The following VWF variants were observed in gnomAD, a reference collection of about 807,000 sequenced individuals.
VWF encodes the protein Factor VIII related antigen.
In VWF, 176 loss-of-function variants were observed where a neutral mutation model predicts 308.6. The observed-to-expected ratio is 0.57, with a 90% confidence interval of 0.50 to 0.65. VWF has a LOEUF of 0.65. VWF is among the 30% of genes least tolerant of loss of function. The pLI is 0.00. For missense variants in VWF, 3,146 were observed against 3,648.2 expected, an observed-to-expected ratio of 0.86 and a Z score of 3.55; for synonymous variants, 1,385 against 1,443.4, an observed-to-expected ratio of 0.96 and a Z score of 0.92.
rs749872924 is a variant in VWF at position 6,025,603 on chromosome 12, C to T, written c.3199G>A (p.Val1067Ile). 23 of 1,481,684 alleles carry T rather than the reference C, an allele frequency of 1.6e-5. No individual in the cohort carries two copies. Among genetic ancestry groups the T allele is most frequent in the African/African-American group, 1.3e-4 (9 of 71,096 alleles). 91.8% of individuals were successfully genotyped at this position (1,481,684 alleles called of 1,614,324 possible). Reference sequence around the variant, plus strand: ...ACCAGCTTGTTGCAGTCCTGGAAGACGTCACTGGTAAGGATTCTACAGGAG... The same window carrying T: ...ACCAGCTTGTTGCAGTCCTGGAAGATGTCACTGGTAAGGATTCTACAGGAG... ...DSSCRILTSD[V>I]FQDCNKLVDP... The change falls in exon 24 of 52, where the codon GTC (valine) becomes ATC (isoleucine). Residue 1067 changes from valine to isoleucine, a missense_variant. Physicochemically the swap from Val to Ile is conservative, Grantham distance 29. This residue lies in a region of VWF where 853 missense variants were observed against 1,177.8 expected (regional missense o/e 0.72). Coordinates refer to ENST00000261405, the MANE Select transcript of VWF (RefSeq NM_000552.5).
In VWF at chr12:6,057,083, AGAGGAGC is replaced by A. The variant is rs756282321; in HGVS notation, c.1730-18_1730-12del. On this transcript the variant is annotated splice_polypyrimidine_tract_variant and intron_variant, in intron 14 of 51. Transcript: ENST00000261405. ...CCTCGGAGAACCTGGCTGTGGGGCG[AGAGGAGC>A]GAGCCTGGGATGTGGTGGGGAGGAG... The A allele has an allele frequency of 1.5e-4, 229 of 1,531,152 alleles. No homozygotes were observed. Among genetic ancestry groups the A allele is most frequent in the Admixed American group, 2.0e-4 (10 of 50,592 alleles). 94.8% of individuals were successfully genotyped at this position (1,531,152 alleles called of 1,614,324 possible).
chr12:6,018,342 C>T (rs1384794000), intron 28 of VWF, 23 bp downstream of exon 28: 1 of 1,603,638 alleles, frequency 6.2e-7, no homozygotes, highest in Admixed American at 1.7e-5. Context: ...GCCCTCCCAC[C>T]TGCACACAAG....
At position 5,956,894 on chromosome 12, in the gene VWF, T is replaced by C. The variant is rs548255674; in HGVS notation, c.7888-3300A>G. Reference sequence around the variant, plus strand: ...TGTAGTAAATTTAGGGTAGCCTAAGTGTACAATGTTTATAGACTATAGCAA... The same window carrying C: ...TGTAGTAAATTTAGGGTAGCCTAAGCGTACAATGTTTATAGACTATAGCAA... On this transcript the variant is annotated intron_variant, in intron 47 of 51. Coordinates refer to ENST00000261405, the MANE Select transcript of VWF (RefSeq NM_000552.5). 3.3e-4 allele frequency among the ~76,000 whole-genome samples: 51 copies of C among 152,344 alleles called. 1 individual carries two copies. In the Middle Eastern group the frequency reaches 0.01, roughly 30 times the overall value.
At position 5,977,167 on chromosome 12, in the gene VWF, G is replaced by C. The variant is rs561037472; in HGVS notation, c.7288-907C>G. Among the ~76,000 whole-genome samples, 3 of 152,304 alleles carry C rather than the reference G, an allele frequency of 2.0e-5. No individual in the cohort carries two copies. The East Asian group carries it at 5.8e-4, about 29-fold the overall frequency. Reference sequence around the variant, plus strand: ...GTTACCATCCCTATGGAGAAGAATTGTTTAGCAATACTTAGCAAAAGTAAA... The same window carrying C: ...GTTACCATCCCTATGGAGAAGAATTCTTTAGCAATACTTAGCAAAAGTAAA... On this transcript the variant is annotated intron_variant, in intron 42 of 51. Coordinates refer to ENST00000261405, the MANE Select transcript of VWF (RefSeq NM_000552.5).
At chr12:6,050,788 T>G (rs1944500417) in intron 16 of VWF, among the ~76,000 whole-genome samples, 2 of 151,966 alleles carry the variant, frequency 1.3e-5, no homozygotes, top group South Asian at 4.2e-4. Context: ...AAACCCCGTC[T>G]CTACTAAAAT....
intron 42 of VWF, 150 bp from the exon 43 acceptor site, chr12:5,976,410 A>T: frequency 2.0e-6 from 2 of 1,013,068 alleles, no homozygotes; most frequent in Non-Finnish European, 3.0e-6. Flanking sequence ...AGGGCTGCTT[A>T]TAAAGCAGAT....
intron 5 of VWF, among the ~76,000 whole-genome samples, chr12:6,096,946 T>C (rs933278919): frequency 1.2e-4 from 19 of 152,154 alleles, no homozygotes; most frequent in Non-Finnish European, 1.5e-4. Context: ...CCTTGGAATA[T>C]AGTCAGTTGG....
chr12:5,973,549 A>T (rs1943500530), intron 43 of VWF, among the ~76,000 whole-genome samples: 1 of 152,136 alleles, frequency 6.6e-6, no homozygotes, highest in Non-Finnish European at 1.5e-5. Context: ...GGCCCTTGCA[A>T]CACTGGAGTT....
At chr12:6,039,017 T>C (rs900071950) in intron 18 of VWF, among the ~76,000 whole-genome samples, 2 of 152,064 alleles carry the variant, frequency 1.3e-5, no homozygotes, top group African/African-American at 2.4e-5. Context: ...AGGGGATGGA[T>C]TGGACCCAGA....
intron 20 of VWF, 30 bp downstream of exon 20, chr12:6,034,658 G>A: frequency 6.2e-7 from 1 of 1,613,458 alleles, no homozygotes; most frequent in Non-Finnish European, 8.5e-7. Flanking sequence ...GAAAGAAACA[G>A]CACCCTCTCC....
At chr12:6,102,348 A>C (rs1339380492) in intron 5 of VWF, among the ~76,000 whole-genome samples, 1 of 152,208 alleles carries the variant, frequency 6.6e-6, no homozygotes, top group Admixed American at 6.5e-5. Context: ...AGGCTGAGGC[A>C]GGAGAATAGC....
chr12:5,997,094 C>A (rs1565823990), intron 34 of VWF, among the ~76,000 whole-genome samples: 1 of 152,136 alleles, frequency 6.6e-6, no homozygotes, highest in African/African-American at 2.4e-5. Context: ...CATAGCCAAG[C>A]CTGAGCCAAC....
chr12:6,008,302 C>T (rs1254538328), intron 34 of VWF, among the ~76,000 whole-genome samples: 2 of 152,028 alleles, frequency 1.3e-5, no homozygotes, highest in Non-Finnish European at 2.9e-5. Context: ...TTAAACAGCA[C>T]AATCAAAGGA....
chr12:5,997,935 T>C (rs1008419927), intron 34 of VWF, among the ~76,000 whole-genome samples: 4 of 152,208 alleles, frequency 2.6e-5, no homozygotes, highest in African/African-American at 9.7e-5. Context: ...TACTGCACAG[T>C]TATAAAATAT....
At chr12:6,094,879 ATTTTT>A (rs386375484) in intron 6 of VWF, among the ~76,000 whole-genome samples, 1 of 104,958 alleles carries the variant, frequency 9.5e-6, no homozygotes, top group African/African-American at 3.8e-5. Flanking sequence ...TGCCCAGCTA[ATTTTT>A]TTTTTTTTTT....
At chr12:6,088,268 G>C (rs149442825) in intron 6 of VWF, among the ~76,000 whole-genome samples, 1,949 of 152,190 alleles carry the variant, frequency 0.013, 51 homozygotes, top group African/African-American at 0.045. Context: ...CATGAGATCA[G>C]GAGATCGAGA....
chr12:6,009,026 C>T (rs866309640), intron 34 of VWF, among the ~76,000 whole-genome samples: 6 of 152,178 alleles, frequency 3.9e-5, no homozygotes, highest in Admixed American at 1.3e-4. Flanking sequence ...TTGGTCTTGG[C>T]GACGATTTCT....
At chr12:6,052,831 A>G in intron 15 of VWF, 48 bp from the exon 16 acceptor site, 1 of 1,591,164 alleles carries the variant, frequency 6.3e-7, no homozygotes, top group East Asian at 2.3e-5. Flanking sequence ...GTTGGACAGC[A>G]AGGACTGTGG....
Position 5,994,424 on chromosome 12 carries a change from C to T in VWF, c.6247G>A (p.Gly2083Ser), listed in dbSNP as rs752022525. 2.5e-6 allele frequency: 4 copies of T among 1,614,090 alleles called. No individual in the cohort carries two copies. In the African/African-American group the frequency reaches 5.3e-5, roughly 22 times the overall value. Reference sequence around the variant, plus strand: ...GAGAAAATGTTCTTACCACACAGACCATACGTCTTTGAAGCAAAAGTCTTG... The same window carrying T: ...GAGAAAATGTTCTTACCACACAGACTATACGTCTTTGAAGCAAAAGTCTTG... ...SPKTFASKTY[G>S]LCGICDENGA... The change falls in exon 36 of 52, where the codon GGT (glycine) becomes AGT (serine). Residue 2083 changes from glycine to serine, a missense_variant. Transcript: ENST00000261405.
Sources: gnomAD v4.1 joint callset for allele counts (sites outside exome capture counted in the v4.1 genomes callset) on GRCh38, gnomAD v4.1.1 for gene constraint, gnomAD v4.1.1 regional missense constraint, MANE v1.5 for transcripts, NCBI Gene and HGNC (gene_info 2026-07-23, HGNC 2026-07-21) for gene names.